C1orf21: variants seen among roughly 807,000 people sequenced by gnomAD.
C1orf21 encodes the protein chromosome 1 open reading frame 21.
Under a neutral mutation model 18.7 loss-of-function variants are expected in C1orf21, and 3 were observed. That is an observed-to-expected ratio of 0.16 (90% confidence interval 0.07 to 0.42). C1orf21 has a LOEUF of 0.42. C1orf21 is among the 10% of genes least tolerant of loss of function. The probability of loss-of-function intolerance (pLI) is 0.99; values close to 1 mark genes in which losing one functional copy is unlikely to be tolerated. For missense variants in C1orf21, 104 were observed against 143.6 expected (o/e 0.72, Z 1.41); for synonymous variants, 41 against 46.4 (o/e 0.88, Z 0.47).
chr1:184,532,218 A>T (rs1658473654), intron 3 of C1orf21, among the ~76,000 whole-genome samples: 1 of 152,146 alleles, frequency 6.6e-6, no homozygotes, highest in African/African-American at 2.4e-5. Context: ...CACTTGTGTG[A>T]CCTTGAGCAA....
At chr1:184,437,365 AAATCCTTGTCTCATAAG>A (rs1433015849) in intron 1 of C1orf21, among the ~76,000 whole-genome samples, 1 of 152,144 alleles carries the variant, frequency 6.6e-6, no homozygotes, top group East Asian at 1.9e-4. Flanking sequence ...ATCGATCAGG[AAATCCTTGTCTCATAAG>A]AAGTTCCACC....
intron 2 of C1orf21, among the ~76,000 whole-genome samples, chr1:184,479,444 T>C (rs1657619446): frequency 1.3e-5 from 2 of 152,188 alleles, no homozygotes; most frequent in Admixed American, 1.3e-4. Context: ...ACAACAATCT[T>C]GTGAAATATG....
At chr1:184,440,452 A>G (rs1571358494) in intron 1 of C1orf21, among the ~76,000 whole-genome samples, 1 of 151,320 alleles carries the variant, frequency 6.6e-6, no homozygotes, top group East Asian at 1.9e-4. Context: ...GGGTTTCACC[A>G]TATTGGTTAG....
At chr1:184,400,590 A>G (rs1320962915) in intron 1 of C1orf21, among the ~76,000 whole-genome samples, 1 of 152,236 alleles carries the variant, frequency 6.6e-6, no homozygotes, top group African/African-American at 2.4e-5. Flanking sequence ...TTACAACTGC[A>G]GAAATTCTAC....
intron 3 of C1orf21, among the ~76,000 whole-genome samples, chr1:184,511,202 AG>A (rs1005566736): frequency 2.0e-5 from 3 of 152,200 alleles, no homozygotes; most frequent in African/African-American, 4.8e-5. Flanking sequence ...CTCAAAGTAT[AG>A]TACACAAAAG....
intron 5 of C1orf21, among the ~76,000 whole-genome samples, chr1:184,614,470 T>C (rs1471469397): frequency 1.3e-5 from 2 of 151,620 alleles, no homozygotes; most frequent in Non-Finnish European, 2.9e-5. Context: ...ACATATATGA[T>C]GAATCATACC....
intron 2 of C1orf21, among the ~76,000 whole-genome samples, chr1:184,487,631 A>T (rs879079554): frequency 1.3e-5 from 2 of 152,250 alleles, no homozygotes; most frequent in Non-Finnish European, 2.9e-5. Context: ...CTCAGTTTTT[A>T]AATGAGGATG....
chr1:184,440,764 ATG>A (rs1209324102), intron 1 of C1orf21, among the ~76,000 whole-genome samples: 3 of 152,222 alleles, frequency 2.0e-5, no homozygotes, highest in African/African-American at 7.2e-5. Flanking sequence ...ACTTAAAAAT[ATG>A]TGTTACGTAT....
intron 3 of C1orf21, among the ~76,000 whole-genome samples, chr1:184,561,315 G>A (rs1282499674): frequency 6.6e-6 from 1 of 152,156 alleles, no homozygotes; most frequent in African/African-American, 2.4e-5. Flanking sequence ...AGCCAGGGAA[G>A]GATACCTGCT....
Position 184,628,511 on chromosome 1 carries a change from G to A in C1orf21, c.*8955G>A, listed in dbSNP as rs1660054099. On this transcript the variant is annotated 3_prime_UTR_variant, in exon 6 of 6. Coordinates refer to ENST00000235307, the MANE Select transcript of C1orf21 (RefSeq NM_030806.4). ...CGCCTAAATAGCATCCCAAACCACT[G>A]TGCGACATTTGGCCTGCAGAATAAG... 6.6e-6 allele frequency: 1 copy of A among 152,312 alleles called. No individual in the cohort carries two copies. The highest frequency in any genetic ancestry group is 2.4e-5 in the African/African-American group (1 of 41,438). 9.4% of individuals were successfully genotyped at this position (152,312 alleles called of 1,614,324 possible).
At chr1:184,460,804 C>T (rs1571368910) in intron 1 of C1orf21, among the ~76,000 whole-genome samples, 2 of 150,620 alleles carry the variant, frequency 1.3e-5, no homozygotes, top group Non-Finnish European at 2.9e-5. Context: ...GACTTGGCCT[C>T]CCTAGTATCT....
At chr1:184,409,006 C>T (rs748527528) in intron 1 of C1orf21, among the ~76,000 whole-genome samples, 6 of 152,216 alleles carry the variant, frequency 3.9e-5, no homozygotes, top group Non-Finnish European at 8.8e-5. Context: ...AGCATTGGTC[C>T]TAGAAGAAAC....
At chr1:184,539,309 A>G (rs1415498427) in intron 3 of C1orf21, among the ~76,000 whole-genome samples, 1 of 152,076 alleles carries the variant, frequency 6.6e-6, no homozygotes, top group African/African-American at 2.4e-5. Context: ...TGATTTTTAT[A>G]TGTTGAACCA....
At chr1:184,461,110 G>A (rs182470275) in intron 1 of C1orf21, among the ~76,000 whole-genome samples, 14 of 152,132 alleles carry the variant, frequency 9.2e-5, no homozygotes, top group Admixed American at 2.6e-4. Context: ...GGACCCCAGA[G>A]CCTCAGCCAA....
Position 184,574,345 on chromosome 1 carries a change from C to T in C1orf21, c.190-16394C>T, listed in dbSNP as rs187453508. 2.6e-5 allele frequency among the ~76,000 whole-genome samples: 4 copies of T among 152,296 alleles called. No homozygotes were observed. The East Asian group carries it at 7.7e-4, about 29-fold the overall frequency. On this transcript the variant is annotated intron_variant, in intron 3 of 5. Coordinates refer to ENST00000235307, the MANE Select transcript of C1orf21 (RefSeq NM_030806.4). ...AGTTTAAATTGTTTCATGAAATGTG[C>T]ATATGGAAAAAGTAATACTTTTAAA...
rs188741924 is a variant in C1orf21, at chr1:184,403,704, A to G, written c.-125+16336A>G. Among the ~76,000 whole-genome samples the G allele has an allele frequency of 2.3e-4, 35 of 152,374 alleles. 1 individual carries two copies. Among genetic ancestry groups the G allele is most frequent in the Admixed American group, 6.5e-4 (10 of 15,306 alleles). ...CAGATAATTAAATTTATGCTTGAGA[A>G]AAACTTCTTTCTCAAGTGGAACACT... On this transcript the variant is annotated intron_variant, in intron 1 of 5. Transcript: ENST00000235307.
At chr1:184,456,784 A>G (rs1657205413) in intron 1 of C1orf21, among the ~76,000 whole-genome samples, 1 of 152,078 alleles carries the variant, frequency 6.6e-6, no homozygotes, top group South Asian at 2.1e-4. Context: ...AGTTATATCA[A>G]TTACCTTATT....
intron 1 of C1orf21, among the ~76,000 whole-genome samples, chr1:184,401,402 G>A (rs926037250): frequency 6.6e-6 from 1 of 151,782 alleles, no homozygotes; most frequent in African/African-American, 2.4e-5. Flanking sequence ...TGTATTTTTC[G>A]TAAAGACGGG....
At chr1:184,528,236 C>T (rs1465508148) in intron 3 of C1orf21, among the ~76,000 whole-genome samples, 3 of 152,136 alleles carry the variant, frequency 2.0e-5, no homozygotes, top group South Asian at 4.1e-4. Flanking sequence ...CAATCTCTGT[C>T]TCATTTCATA....
Sources: allele counts gnomAD v4.1 joint callset (sites outside exome capture counted in the v4.1 genomes callset), GRCh38; gene constraint gnomAD v4.1.1; transcripts MANE v1.5; gene names NCBI Gene and HGNC (gene_info 2026-07-23, HGNC 2026-07-21).